The following KCNIP4 variants were observed in gnomAD, a reference collection of about 807,000 sequenced individuals.
KCNIP4 encodes the protein potassium voltage-gated channel interacting protein 4.
A neutral mutation model predicts 34.0 loss-of-function variants in KCNIP4; 12 were observed. The ratio of observed to expected loss-of-function variants is 0.35; its 90% CI spans 0.23 to 0.57. The LOEUF is 0.57. Among genes scored for constraint, KCNIP4 ranks in the 20% least tolerant of loss-of-function variants. The pLI is 0.83. For synonymous variants in KCNIP4, 124 were observed against 102.2 expected (o/e 1.21, Z -1.29); for missense variants, 238 against 311.7 (o/e 0.76, Z 1.78).
At chr4:21,836,838 T>A (rs553076167) in intron 1 of KCNIP4, among the ~76,000 whole-genome samples, 1 of 151,908 alleles carries the variant, frequency 6.6e-6, no homozygotes. Context: ...AGGAGCCAGA[T>A]GGATTTGTCC....
At chr4:21,498,660 C>T (rs1733049458) in intron 1 of KCNIP4, among the ~76,000 whole-genome samples, 1 of 152,092 alleles carries the variant, frequency 6.6e-6, no homozygotes, top group South Asian at 2.1e-4. Context: ...TAAAAAGCAC[C>T]TTGATGGACA....
intron 1 of KCNIP4, among the ~76,000 whole-genome samples, chr4:21,682,360 G>C (rs548414656): frequency 1.3e-4 from 20 of 152,222 alleles, no homozygotes; most frequent in African/African-American, 4.3e-4. Flanking sequence ...TTTGGGCAGG[G>C]ACACATATCC....
chr4:21,238,875 A>T (rs888899346), intron 1 of KCNIP4, among the ~76,000 whole-genome samples: 1 of 150,294 alleles, frequency 6.7e-6, no homozygotes, highest in African/African-American at 2.4e-5. Flanking sequence ...TTGGAAAAAA[A>T]CTAAAGTTCA....
chr4:21,089,332 GC>G (rs1416519027), intron 1 of KCNIP4, among the ~76,000 whole-genome samples: 1 of 152,152 alleles, frequency 6.6e-6, no homozygotes, highest in Non-Finnish European at 1.5e-5. Flanking sequence ...AGATGTGTCT[GC>G]TTCTCTTGCA....
chr4:21,499,918 T>C (rs946479785), intron 1 of KCNIP4, among the ~76,000 whole-genome samples: 6 of 152,120 alleles, frequency 3.9e-5, no homozygotes, highest in African/African-American at 1.4e-4. Context: ...CACACTTACA[T>C]ATAAAAGAGA....
intron 1 of KCNIP4, among the ~76,000 whole-genome samples, chr4:21,894,160 T>C (rs1477148432): frequency 2.6e-5 from 4 of 151,772 alleles, no homozygotes; most frequent in Non-Finnish European, 4.4e-5. Context: ...GGTAAAACCC[T>C]GTCTCTACTA....
intron 1 of KCNIP4, among the ~76,000 whole-genome samples, chr4:20,886,205 C>G (rs1725294884): frequency 6.6e-6 from 1 of 152,134 alleles, no homozygotes; most frequent in South Asian, 2.1e-4. Context: ...AAGAATTGAA[C>G]AATAAACAAC....
rs71193411 is a variant in KCNIP4, at chr4:21,798,562, A to AAAAGAAAGAAAGAAAGAAAGAAAG, written c.61+149985_61+150008dup. Among the ~76,000 whole-genome samples the AAAAGAAAGAAAGAAAGAAAGAAAG allele has an allele frequency of 3.3e-3, 385 of 116,948 alleles. 2 individuals carry two copies. Among genetic ancestry groups the AAAAGAAAGAAAGAAAGAAAGAAAG allele is most frequent in the Middle Eastern group, 9.4e-3 (2 of 212 alleles). 76.7% of individuals were successfully genotyped at this position (116,948 alleles called of 152,430 possible). A position where few individuals can be genotyped will look rare whatever the true frequency, so the allele number is the denominator to read the frequency against. The stretch of plus-strand genomic sequence containing the variant: ...AGAGAGAGAGAGAAAGAGAGAAAGA[A>AAAAGAAAGAAAGAAAGAAAGAAAG]AAAGAAAGAAAGAAAGAAAGAAAGA... On this transcript the variant is annotated intron_variant, in intron 1 of 8. Transcript: ENST00000382152.
At chr4:21,101,103 C>A (rs1473064051) in intron 1 of KCNIP4, among the ~76,000 whole-genome samples, 4 of 152,164 alleles carry the variant, frequency 2.6e-5, no homozygotes, top group African/African-American at 9.7e-5. Context: ...TTTCAACCCT[C>A]ATGCCCCTGC....
At chr4:21,491,952 T>C (rs10014758) in intron 1 of KCNIP4, among the ~76,000 whole-genome samples, 8,719 of 152,262 alleles carry the variant, frequency 0.057, 622 homozygotes, top group African/African-American at 0.16. Context: ...CACAGACTCA[T>C]TGGATAAAAT....
At chr4:21,136,095 C>A (rs1751475252) in intron 1 of KCNIP4, among the ~76,000 whole-genome samples, 1 of 152,158 alleles carries the variant, frequency 6.6e-6, no homozygotes, top group African/African-American at 2.4e-5. Context: ...CTGTTCTTAG[C>A]TCTGACACTG....
In KCNIP4 at chr4:21,529,424, T is replaced by C. The variant is rs1390128967; in HGVS notation, c.61+419147A>G. Among the ~76,000 whole-genome samples the C allele has an allele frequency of 3.9e-5, 6 of 152,186 alleles. No individual in the cohort carries two copies. The South Asian group carries it at 1.0e-3, about 26-fold the overall frequency. ...GCACACTTCCTCAGGTTAAGATAAG[T>C]TCAGGAAGTGGAAAAGTTCACACTA... On this transcript the variant is annotated intron_variant, in intron 1 of 8. Transcript: ENST00000382152.
chr4:20,758,023 A>G (rs542640442), intron 4 of KCNIP4, among the ~76,000 whole-genome samples: 19 of 152,300 alleles, frequency 1.2e-4, no homozygotes, highest in African/African-American at 4.3e-4. Flanking sequence ...ACTAGGTATA[A>G]CATTCTTTTG....
chr4:21,204,131 A>G (rs1214940016), intron 1 of KCNIP4, among the ~76,000 whole-genome samples: 1 of 151,636 alleles, frequency 6.6e-6, no homozygotes, highest in Non-Finnish European at 1.5e-5. Context: ...TGCTGCCTCT[A>G]CTCACTTTGA....
At chr4:21,417,773 A>G (rs1028007777) in intron 1 of KCNIP4, among the ~76,000 whole-genome samples, 13 of 152,150 alleles carry the variant, frequency 8.5e-5, no homozygotes, top group African/African-American at 2.4e-4. Context: ...ATAATAAGGG[A>G]CATATAGAAC....
intron 1 of KCNIP4, among the ~76,000 whole-genome samples, chr4:21,802,482 T>C (rs1721058101): frequency 6.6e-6 from 1 of 152,198 alleles, no homozygotes; most frequent in African/African-American, 2.4e-5. Context: ...ATGTATTTTT[T>C]ATTTCCATAT....
chr4:21,663,443 G>A (rs1748603800), intron 1 of KCNIP4, among the ~76,000 whole-genome samples: 1 of 152,130 alleles, frequency 6.6e-6, no homozygotes, highest in Non-Finnish European at 1.5e-5. Context: ...TGGGAGCACC[G>A]TGCTATGACT....
chr4:21,888,515 A>G (rs1216663496), intron 1 of KCNIP4, among the ~76,000 whole-genome samples: 1 of 152,126 alleles, frequency 6.6e-6, no homozygotes, highest in African/African-American at 2.4e-5. Flanking sequence ...ATAAAAGGAA[A>G]CTAGAAAGAA....
intron 1 of KCNIP4, among the ~76,000 whole-genome samples, chr4:21,716,414 T>G (rs2109087788): frequency 6.6e-6 from 1 of 152,048 alleles, no homozygotes; most frequent in South Asian, 2.1e-4. Flanking sequence ...TTTTTTGTAT[T>G]TTGAGTAGAG....
Sources: gnomAD v4.1 joint callset for allele counts (sites outside exome capture counted in the v4.1 genomes callset) on GRCh38, gnomAD v4.1.1 for gene constraint, MANE v1.5 for transcripts, NCBI Gene and HGNC (gene_info 2026-07-23, HGNC 2026-07-21) for gene names.